MCF2L2: variants seen among roughly 807,000 people sequenced by gnomAD.
The protein encoded by MCF2L2 is probable guanine nucleotide exchange factor MCF2L2.
Under a neutral mutation model 150.2 loss-of-function variants are expected in MCF2L2, and 102 were observed. The ratio of observed to expected loss-of-function variants is 0.68; its 90% CI spans 0.58 to 0.80. MCF2L2 has a LOEUF of 0.80. Among genes scored for constraint, MCF2L2 ranks in the 30% least tolerant of loss-of-function variants. The pLI is 0.00. For synonymous variants in MCF2L2, 465 were observed against 491.3 expected (o/e 0.95, Z 0.71); for missense variants, 1,256 against 1,372.8 (o/e 0.91, Z 1.34).
intron 14 of MCF2L2, among the ~76,000 whole-genome samples, chr3:183,278,194 AT>A (rs1246395227): frequency 0.028 from 3,792 of 137,706 alleles, 164 homozygotes; most frequent in African/African-American, 0.11. Context: ...AAAAGAAAAA[AT>A]ATATATATAT....
Position 183,428,254 on chromosome 3 carries a change from A to C in MCF2L2, c.-277T>G. 4 of 399,692 alleles carry C rather than the reference A, an allele frequency of 1.0e-5. No individual in the cohort carries two copies. The highest frequency in any genetic ancestry group is 1.3e-5 in the Non-Finnish European group (3 of 222,460). The allele number at this position is 399,692 out of a possible 1,614,324, so 24.8% of individuals were successfully genotyped here. On this transcript the variant is annotated 5_prime_UTR_variant, in exon 1 of 30. Transcript: ENST00000328913. This position sits in a 1 kb window ranked among gnomAD's most constrained non-coding sequence, Gnocchi z 5.1. Reference sequence around the variant, plus strand: ...TTCTGCAAAAGGAAGCAAGTCGCCAATCTCGCCGGAACCGCGCCCCGGCTC... The same window carrying C: ...TTCTGCAAAAGGAAGCAAGTCGCCACTCTCGCCGGAACCGCGCCCCGGCTC...
intron 7 of MCF2L2, among the ~76,000 whole-genome samples, chr3:183,312,801 T>TC (rs954860984): frequency 6.6e-6 from 1 of 152,138 alleles, no homozygotes; most frequent in African/African-American, 2.4e-5. Context: ...CTCCAGAATT[T>TC]CCCCTGGAAG....
At chr3:183,364,516 T>A (rs1560041917) in intron 3 of MCF2L2, among the ~76,000 whole-genome samples, 1 of 151,334 alleles carries the variant, frequency 6.6e-6, no homozygotes, top group Non-Finnish European at 1.5e-5. Context: ...CGAGACTCCA[T>A]CTCAAAAATA....
At position 183,238,242 on chromosome 3, in the gene MCF2L2, A is replaced by ATT. The variant is rs539424224; in HGVS notation, c.1863-7227_1863-7226dup. On this transcript the variant is annotated intron_variant, in intron 15 of 29. Coordinates refer to ENST00000328913, the MANE Select transcript of MCF2L2 (RefSeq NM_015078.4). ...AAAACGTTATGAGATTTTTTTTGCGATTTTTTTTTTTTTTTTTTTTAGCTC... is the reference window on the plus strand; with the variant it reads ...AAAACGTTATGAGATTTTTTTTGCGATTTTTTTTTTTTTTTTTTTTTTAGCTC... Among the ~76,000 whole-genome samples the ATT allele has an allele frequency of 1.7e-3, 191 of 112,796 alleles. 3 individuals carry two copies. Among genetic ancestry groups the ATT allele is most frequent in the African/African-American group, 5.2e-3 (171 of 33,030 alleles). The allele number at this position is 112,796 out of a possible 152,430, so 74.0% of individuals were successfully genotyped here. A position where few individuals can be genotyped will look rare whatever the true frequency, so the allele number is the denominator to read the frequency against.
chr3:183,206,959 AAGGAAGGAAGGAAGGG>A (rs748917909), intron 23 of MCF2L2, among the ~76,000 whole-genome samples: 10,052 of 26,918 alleles, frequency 0.37, 699 homozygotes, highest in South Asian at 0.51. Flanking sequence ...GGAAGGAAGG[AAGGAAGGAAGGAAGGG>A]AGGGAGGGAG....
chr3:183,217,498 AAG>A (rs1722990215), intron 21 of MCF2L2, among the ~76,000 whole-genome samples: 1 of 151,980 alleles, frequency 6.6e-6, no homozygotes, highest in African/African-American at 2.4e-5. Flanking sequence ...GAAAAAGAAA[AAG>A]AATACAATCT....
At chr3:183,423,632 G>GTTTTTTTTTT (rs34400256) in intron 1 of MCF2L2, among the ~76,000 whole-genome samples, 7 of 92,040 alleles carry the variant, frequency 7.6e-5, no homozygotes, top group Non-Finnish European at 1.3e-4. Flanking sequence ...AATTTTATTT[G>GTTTTTTTTTT]TTTTTTTTTT....
intron 5 of MCF2L2, among the ~76,000 whole-genome samples, chr3:183,328,033 A>G (rs1426488041): frequency 6.6e-6 from 1 of 152,092 alleles, no homozygotes; most frequent in African/African-American, 2.4e-5. Flanking sequence ...TATAATTTGG[A>G]ATTTTCAGCC....
chr3:183,348,422 G>T (rs568096789), intron 3 of MCF2L2, among the ~76,000 whole-genome samples: 54 of 151,712 alleles, frequency 3.6e-4, no homozygotes, highest in African/African-American at 6.3e-4. Flanking sequence ...GGTCGGGTAG[G>T]GGGGGCGAGG....
intron 7 of MCF2L2, among the ~76,000 whole-genome samples, chr3:183,317,114 T>G (rs1729634487): frequency 6.6e-6 from 1 of 152,174 alleles, no homozygotes; most frequent in Admixed American, 6.5e-5. Flanking sequence ...CTCTCCTAAC[T>G]AGACTGTGTT....
chr3:183,230,903 C>T (rs1050142123), intron 16 of MCF2L2, 48 bp downstream of exon 16: 1 of 1,398,416 alleles, frequency 7.2e-7, no homozygotes, highest in Non-Finnish European at 1.0e-6. Context: ...AACAAAACAT[C>T]TGCAGTTTGA....
At chr3:183,383,273 T>A (rs889323432) in intron 2 of MCF2L2, among the ~76,000 whole-genome samples, 2 of 152,152 alleles carry the variant, frequency 1.3e-5, no homozygotes, top group African/African-American at 4.8e-5. Context: ...TCACTCTTGT[T>A]GCCCAGGCTG....
chr3:183,239,106 AAAT>A (rs1184879451), intron 15 of MCF2L2, among the ~76,000 whole-genome samples: 1 of 152,152 alleles, frequency 6.6e-6, no homozygotes, highest in Non-Finnish European at 1.5e-5. Flanking sequence ...AAGTAATTAA[AAAT>A]AACCTTTCAG....
At chr3:183,365,684 T>C (rs1577095526) in intron 3 of MCF2L2, among the ~76,000 whole-genome samples, 1 of 152,186 alleles carries the variant, frequency 6.6e-6, no homozygotes, top group East Asian at 1.9e-4. Flanking sequence ...AATTACTCTA[T>C]AAGCTAGATT....
chr3:183,269,113 T>C (rs780293257), intron 15 of MCF2L2, among the ~76,000 whole-genome samples: 4 of 152,146 alleles, frequency 2.6e-5, no homozygotes, highest in Non-Finnish European at 4.4e-5. Context: ...CATTGAAGAT[T>C]TTGCCTTGAT....
intron 3 of MCF2L2, among the ~76,000 whole-genome samples, chr3:183,362,887 C>A (rs187631958): frequency 6.6e-6 from 1 of 152,042 alleles, no homozygotes; most frequent in African/African-American, 2.4e-5. Flanking sequence ...CATTTCTTTA[C>A]GTCTTTATAT....
At chr3:183,191,483 C>G (rs1310544394) in intron 27 of MCF2L2, among the ~76,000 whole-genome samples, 1 of 151,590 alleles carries the variant, frequency 6.6e-6, no homozygotes, top group African/African-American at 2.4e-5. Context: ...AGTGGATGCC[C>G]GAAACCGCAG....
chr3:183,272,247 A>G, intron 15 of MCF2L2: 1 of 1,000,236 alleles, frequency 1.0e-6, no homozygotes, highest in Non-Finnish European at 1.2e-6. Flanking sequence ...GCTATAATAC[A>G]CACTACCTCC....
At chr3:183,393,885 T>C (rs1714302863) in intron 1 of MCF2L2, among the ~76,000 whole-genome samples, 1 of 152,180 alleles carries the variant, frequency 6.6e-6, no homozygotes, top group African/African-American at 2.4e-5. Context: ...GCTGATGATA[T>C]CTCAACACTG....
Sources: gnomAD v4.1 joint callset for allele counts (sites outside exome capture counted in the v4.1 genomes callset) on GRCh38, gnomAD v4.1.1 for gene constraint, Gnocchi (gnomAD v3.1) non-coding constraint, MANE v1.5 for transcripts, NCBI Gene and HGNC (gene_info 2026-07-23, HGNC 2026-07-21) for gene names.